The following MBD5 variants were observed in gnomAD, a reference collection of about 807,000 sequenced individuals.
MBD5 encodes methyl-CpG-binding domain protein 5.
A neutral mutation model predicts 117.3 loss-of-function variants in MBD5; 13 were observed. The ratio of observed to expected loss-of-function variants is 0.11; its 90% confidence interval spans 0.07 to 0.18. The LOEUF is 0.18. Among genes scored for constraint, MBD5 ranks in the 10% least tolerant of loss-of-function variants. The pLI is 1.00. For missense variants in MBD5, 1,879 were observed against 2,093.8 expected, an observed-to-expected ratio of 0.90 and a Z score of 2.00; for synonymous variants, 727 against 766.4, an observed-to-expected ratio of 0.95 and a Z score of 0.85.
chr2:148,509,724 G>C (rs1215231521), intron 12 of MBD5, among the ~76,000 whole-genome samples: 1 of 152,214 alleles, frequency 6.6e-6, no homozygotes, highest in Non-Finnish European at 1.5e-5. Context: ...GGGCCGGCTG[G>C]AGCCAGGGAG....
In MBD5 at chr2:148,468,704, A is replaced by G. The variant is rs1680677888; in HGVS notation, c.761A>G (p.Asn254Ser). 8.1e-6 allele frequency: 13 copies of G among 1,613,714 alleles called. No individual in the cohort carries two copies. Among genetic ancestry groups the G allele is most frequent in the Admixed American group, 1.7e-5 (1 of 59,970 alleles). The change falls in exon 8 of 14, where the codon AAT becomes AGT. Residue 254 changes from asparagine to serine, a missense_variant. Transcript: ENST00000642680. Reference protein sequence around the residue: ...LGSPDVFTRSNPGFHGAPNSS... With the variant: ...LGSPDVFTRSSPGFHGAPNSS... Reference sequence around the variant, plus strand: ...AGTCCTGATGTTTTCACAAGAAGTAATCCTGGTTTTCATGGAGCTCCCAAT... The same window carrying G: ...AGTCCTGATGTTTTCACAAGAAGTAGTCCTGGTTTTCATGGAGCTCCCAAT...
chr2:148,231,342 A>G (rs1324853144), intron 2 of MBD5, among the ~76,000 whole-genome samples: 2 of 152,128 alleles, frequency 1.3e-5, no homozygotes, highest in Non-Finnish European at 2.9e-5. Flanking sequence ...ATAGGGCAGC[A>G]CTGAGCTCAG....
At chr2:148,068,870 C>T (rs758000788) in intron 1 of MBD5, among the ~76,000 whole-genome samples, 1 of 151,950 alleles carries the variant, frequency 6.6e-6, no homozygotes, top group African/African-American at 2.4e-5. Flanking sequence ...TAAGATTGGA[C>T]CTTTAAGGTC....
At chr2:148,374,741 G>C (rs1266591589) in intron 4 of MBD5, among the ~76,000 whole-genome samples, 1 of 152,044 alleles carries the variant, frequency 6.6e-6, no homozygotes, top group African/African-American at 2.4e-5. Context: ...GTGCAAATTG[G>C]TACAATAGAT....
intron 4 of MBD5, among the ~76,000 whole-genome samples, chr2:148,375,637 A>T (rs1375607111): frequency 6.6e-6 from 1 of 152,140 alleles, no homozygotes; most frequent in Non-Finnish European, 1.5e-5. Flanking sequence ...CCTTAAGAAG[A>T]TTGAAGCCAT....
chr2:148,098,671 T>A (rs529151045), intron 1 of MBD5, among the ~76,000 whole-genome samples: 1 of 152,284 alleles, frequency 6.6e-6, no homozygotes, highest in African/African-American at 2.4e-5. Flanking sequence ...CTCAGGTGTG[T>A]GCTAAGGTAT....
intron 4 of MBD5, among the ~76,000 whole-genome samples, chr2:148,456,911 A>G (rs564639861): frequency 6.6e-6 from 1 of 152,152 alleles, no homozygotes; most frequent in Non-Finnish European, 1.5e-5. Context: ...CCTTTACTGC[A>G]AGGTGGTCTC....
chr2:148,083,370 GTTAT>G (rs754045181), intron 1 of MBD5, among the ~76,000 whole-genome samples: 1 of 151,984 alleles, frequency 6.6e-6, no homozygotes, highest in East Asian at 1.9e-4. Context: ...ACAGTTTAGC[GTTAT>G]TTATTATTTT....
intron 4 of MBD5, among the ~76,000 whole-genome samples, chr2:148,383,207 A>G (rs932781849): frequency 1.3e-5 from 2 of 152,126 alleles, no homozygotes; most frequent in African/African-American, 4.8e-5. Context: ...ATAGACCGCT[A>G]GCAAGACTAA....
At chr2:148,050,546 C>A (rs1184346855) in intron 1 of MBD5, among the ~76,000 whole-genome samples, 1 of 151,962 alleles carries the variant, frequency 6.6e-6, no homozygotes, top group Non-Finnish European at 1.5e-5. Flanking sequence ...TCATTTGATC[C>A]ACAAAAATTT....
chr2:148,108,244 T>C, intron 1 of MBD5, among the ~76,000 whole-genome samples: 2 of 152,312 alleles, frequency 1.3e-5, no homozygotes, highest in East Asian at 3.9e-4. Flanking sequence ...TTAATACTAA[T>C]CTAATACTAA....
At chr2:148,234,250 C>CTA (rs1366063739) in intron 3 of MBD5, among the ~76,000 whole-genome samples, 2 of 151,918 alleles carry the variant, frequency 1.3e-5, no homozygotes, top group East Asian at 1.9e-4. Context: ...TACAAAGAAA[C>CTA]TATATATATA....
chr2:148,241,319 T>C (rs1296487025), intron 3 of MBD5, among the ~76,000 whole-genome samples: 1 of 152,196 alleles, frequency 6.6e-6, no homozygotes, highest in African/African-American at 2.4e-5. Context: ...ACTTCCTTAG[T>C]ATAGGGATAT....
intron 4 of MBD5, among the ~76,000 whole-genome samples, chr2:148,425,232 C>A (rs1705741754): frequency 6.6e-6 from 1 of 152,082 alleles, no homozygotes; most frequent in Admixed American, 6.5e-5. Context: ...GAAATACAAA[C>A]TACCATCAGA....
intron 1 of MBD5, among the ~76,000 whole-genome samples, chr2:148,124,004 T>G (rs991644067): frequency 6.6e-6 from 1 of 152,132 alleles, no homozygotes; most frequent in African/African-American, 2.4e-5. Context: ...TCACTGCAGG[T>G]CACTGTGGCT....
chr2:148,440,152 C>T (rs1190039818), intron 4 of MBD5, among the ~76,000 whole-genome samples: 1 of 152,142 alleles, frequency 6.6e-6, no homozygotes, highest in Non-Finnish European at 1.5e-5. Context: ...TTTCATTCAA[C>T]AATGGAGACT....
chr2:148,284,115 T>TA (rs1361537702), intron 3 of MBD5, among the ~76,000 whole-genome samples: 3 of 152,214 alleles, frequency 2.0e-5, no homozygotes, highest in Non-Finnish European at 4.4e-5. Context: ...TTGCTTTTTT[T>TA]ACTGAACAAT....
chr2:148,353,556 T>G (rs949910320), intron 4 of MBD5, among the ~76,000 whole-genome samples: 2 of 152,076 alleles, frequency 1.3e-5, no homozygotes, highest in African/African-American at 4.8e-5. Flanking sequence ...CCTCCACCTT[T>G]CCTGTCTCTA....
At chr2:148,075,299 C>T (rs555303617) in intron 1 of MBD5, among the ~76,000 whole-genome samples, 35 of 152,246 alleles carry the variant, frequency 2.3e-4, no homozygotes, top group African/African-American at 8.4e-4. Flanking sequence ...AAGGTAAAAA[C>T]GTATTTACTG....
Sources: allele counts gnomAD v4.1 joint callset (sites outside exome capture counted in the v4.1 genomes callset), GRCh38; gene constraint gnomAD v4.1.1; transcripts MANE v1.5; gene names NCBI Gene and HGNC (gene_info 2026-07-23, HGNC 2026-07-21).